TAB3: variants seen among roughly 807,000 people sequenced by gnomAD.
TAB3 encodes the protein TGF-beta-activated kinase 1 and MAP3K7-binding protein 3.
TAB3 carries 18 observed loss-of-function variants against 48.1 expected under a neutral mutation model. The ratio of observed to expected loss-of-function variants is 0.37; its 90% CI spans 0.26 to 0.55. The LOEUF is 0.55. TAB3 is among the 20% of genes least tolerant of loss of function. TAB3 has a pLI of 0.78. For missense variants in TAB3, 414 were observed against 549.8 expected, an observed-to-expected ratio of 0.75 and a Z score of 2.47; for synonymous variants, 185 against 190.2, an observed-to-expected ratio of 0.97 and a Z score of 0.22.
chrX:30,852,742 G>A (rs763630281), intron 7 of TAB3, 36 bp downstream of exon 7: 3 of 1,146,728 alleles, frequency 2.6e-6, no homozygotes, highest in Admixed American at 2.3e-5. Context: ...CCAATATCCC[G>A]ACCCTCCTAT....
At chrX:30,854,083 GAAATT>G in intron 6 of TAB3, 28 bp downstream of exon 6, 1 of 1,151,354 alleles carries the variant, frequency 8.7e-7, no homozygotes, top group Non-Finnish European at 1.2e-6. Flanking sequence ...CCTCACCACA[GAAATT>G]AAATTTCATA....
At chrX:30,839,914 TTATATATATATA>T (rs56260124) in intron 9 of TAB3, among the ~76,000 whole-genome samples, 62 of 82,212 alleles carry the variant, frequency 7.5e-4, no homozygotes, top group African/African-American at 2.5e-3. Flanking sequence ...CATATATATA[TTATATATATATA>T]TATATATATA....
At chrX:30,841,815 A>T (rs1481041083) in intron 9 of TAB3, among the ~76,000 whole-genome samples, 3 of 112,487 alleles carry the variant, frequency 2.7e-5, no homozygotes, top group African/African-American at 9.7e-5. Context: ...CTACTTATTT[A>T]TGAATGAATG....
At chrX:30,888,236 C>T (rs1208695485) in intron 1 of TAB3, among the ~76,000 whole-genome samples, 3 of 112,652 alleles carry the variant, frequency 2.7e-5, no homozygotes, top group African/African-American at 9.7e-5. Context: ...CATTCTTGTT[C>T]TTTTAGAAAC....
rs1021895001 is a variant in TAB3 at position 30,829,018 on chromosome X, G to A, written c.*2409C>T. The A allele has an allele frequency of 8.9e-6, 1 of 111,960 alleles. No homozygotes were observed. Among genetic ancestry groups the A allele is most frequent in the African/African-American group, 3.3e-5 (1 of 30,699 alleles). 9.2% of individuals were successfully genotyped at this position (111,960 alleles called of 1,213,427 possible). On this transcript the variant is annotated 3_prime_UTR_variant, in exon 11 of 11. Transcript: ENST00000288422. ...GCCTATGTTGGCATATGAAACTTGT[G>A]CACAATTAAAAATTAACATGTACAA...
chrX:30,887,279 G>A (rs1940159981), intron 1 of TAB3, among the ~76,000 whole-genome samples: 1 of 111,951 alleles, frequency 8.9e-6, no homozygotes. Context: ...TTTCAGATAG[G>A]TCACTACCAG....
chrX:30,856,095 C>A (rs887106089), intron 5 of TAB3, among the ~76,000 whole-genome samples: 1 of 111,802 alleles, frequency 8.9e-6, no homozygotes, highest in Non-Finnish European at 1.9e-5. Context: ...TCTAAAGCAG[C>A]CCTCATTTTT....
rs745712113 is a variant in TAB3, at chrX:30,851,940, C to A, written c.1710+838G>T. 4.5e-5 allele frequency among the ~76,000 whole-genome samples: 5 copies of A among 112,309 alleles called. No individual in the cohort carries two copies. The East Asian group carries it at 1.4e-3, about 31-fold the overall frequency. ...AAACGAGTTGATGTATAAATTCTCT[C>A]ATTACCCGTGAACATATACAGCACT... On this transcript the variant is annotated intron_variant, in intron 7 of 10. Transcript: ENST00000288422.
Position 30,855,105 on chromosome X carries a change from A to G in TAB3, c.560T>C (p.Ile187Thr). ...PPPPPPSYMH[I>T]PRYSTNPITV... The stretch of plus-strand genomic sequence containing the variant: ...AATTGGATTTGTACTATACCGAGGT[A>G]TGTGCATGTATGAAGGAGGTGGCGG... The change falls in exon 6 of 11, where the codon ATA (isoleucine) becomes ACA (threonine). Residue 187 changes from isoleucine (I) to threonine (T), a missense_variant. Transcript: ENST00000288422. 13 of 1,211,502 alleles carry G rather than the reference A, an allele frequency of 1.1e-5. No homozygotes were observed. The highest frequency in any genetic ancestry group is 1.5e-5 in the Non-Finnish European group (13 of 895,397).
chrX:30,862,290 G>C (rs1939271501), intron 4 of TAB3, among the ~76,000 whole-genome samples: 1 of 112,135 alleles, frequency 8.9e-6, no homozygotes, highest in African/African-American at 3.2e-5. Flanking sequence ...ACCACATTCA[G>C]AACACTTCAT....
intron 4 of TAB3, among the ~76,000 whole-genome samples, chrX:30,864,263 C>T (rs1242857343): frequency 8.9e-6 from 1 of 111,787 alleles, no homozygotes; most frequent in Non-Finnish European, 1.9e-5. Flanking sequence ...ACCCTATGAT[C>T]ATCACACAGT....
intron 9 of TAB3, among the ~76,000 whole-genome samples, chrX:30,838,038 T>C (rs1464732668): frequency 8.9e-6 from 1 of 112,512 alleles, no homozygotes; most frequent in African/African-American, 3.2e-5. Flanking sequence ...TATTTGTTTA[T>C]TCCTATACCA....
intron 4 of TAB3, among the ~76,000 whole-genome samples, chrX:30,866,732 A>C (rs1405323600): frequency 9.1e-6 from 1 of 109,802 alleles, no homozygotes; most frequent in East Asian, 2.8e-4. Context: ...GGGTGGGGGG[A>C]GCCTCCCATG....
At chrX:30,838,212 C>T (rs1316758102) in intron 9 of TAB3, among the ~76,000 whole-genome samples, 1 of 112,029 alleles carries the variant, frequency 8.9e-6, no homozygotes, top group Non-Finnish European at 1.9e-5. Flanking sequence ...ATCCTACCGC[C>T]TCAGCCACCA....
At chrX:30,845,870 G>A in intron 8 of TAB3, 1 of 647,649 alleles carries the variant, frequency 1.5e-6, no homozygotes, top group Non-Finnish European at 2.0e-6. Flanking sequence ...ACAGGTTTGG[G>A]GACAGAATCA....
At chrX:30,880,247 T>C (rs1939960962) in intron 1 of TAB3, among the ~76,000 whole-genome samples, 1 of 111,506 alleles carries the variant, frequency 9.0e-6, no homozygotes, top group African/African-American at 3.3e-5. Flanking sequence ...AAGGACAATG[T>C]GGAAGAACTT....
At chrX:30,844,464 T>C (rs182316446) in intron 8 of TAB3, 10 of 112,603 alleles carry the variant, frequency 8.9e-5, no homozygotes, top group Non-Finnish European at 1.3e-4. Flanking sequence ...TTTAAGAAGC[T>C]GCATATGTAT....
intron 4 of TAB3, among the ~76,000 whole-genome samples, chrX:30,861,741 T>C (rs746804879): frequency 8.9e-6 from 1 of 111,793 alleles, no homozygotes; most frequent in Admixed American, 9.5e-5. Context: ...GTAAAAAATA[T>C]GTGAGTCATA....
intron 9 of TAB3, among the ~76,000 whole-genome samples, chrX:30,837,041 CTTT>C (rs370702875): frequency 4.6e-4 from 17 of 36,583 alleles, no homozygotes; most frequent in African/African-American, 9.9e-4. Flanking sequence ...AAAATGACAT[CTTT>C]TTTTTTTTTT....
Sources: allele counts gnomAD v4.1 joint callset (sites outside exome capture counted in the v4.1 genomes callset), GRCh38; gene constraint gnomAD v4.1.1; transcripts MANE v1.5; gene names NCBI Gene and HGNC (gene_info 2026-07-23, HGNC 2026-07-21).